Variants in CHERP observed in about 807,000 individuals in gnomAD.
CHERP encodes the protein ERPROT 213-21.
In CHERP, 8 loss-of-function variants were observed where a neutral mutation model predicts 113.8. The observed-to-expected ratio is 0.07, with a 90% confidence interval of 0.04 to 0.13. The LOEUF (loss-of-function observed/expected upper bound fraction) is 0.13. Among genes scored for constraint, CHERP ranks in the 10% least tolerant of loss-of-function variants. The pLI, the probability that CHERP is intolerant of heterozygous loss-of-function variation, is 1.00. For missense variants in CHERP, 884 were observed against 1,298.2 expected (o/e 0.68, Z 4.90); for synonymous variants, 559 against 524.5 (o/e 1.07, Z -0.90).
At chr19:16,541,723 G>C (rs1288806263) in intron 2 of CHERP, 147 bp downstream of exon 2, 4 of 850,804 alleles carry the variant, frequency 4.7e-6, no homozygotes, top group African/African-American at 1.7e-5. Flanking sequence ...AGGGCCGTGG[G>C]AACAGCGGAA....
Position 16,525,575 on chromosome 19 carries a change from G to A in CHERP, c.1408C>T (p.Pro470Ser). 6.5e-7 allele frequency: 1 copy of A among 1,539,806 alleles called. No homozygotes were observed. Among genetic ancestry groups the A allele is most frequent in the Non-Finnish European group, 8.7e-7 (1 of 1,145,948 alleles). The part of the protein sequence containing the change: ...EGMWGEQRGD[P>S]GWNGQRDAPW... ...GCGTCGCGCTGGCCGTTCCAGCCGG[G>A]GTCACCGCGCTGCTCGCCCCACATG... The change falls in exon 10 of 17, where the codon CCC becomes TCC. Residue 470 changes from proline (P) to serine (S), a missense_variant. By Grantham distance (74) the Pro-to-Ser change is moderately conservative. Coordinates refer to ENST00000546361, the MANE Select transcript of CHERP (RefSeq NM_006387.6). The surrounding 1 kb of genome is among the most constrained non-coding windows in gnomAD (Gnocchi z 6.5).
At position 16,522,969 on chromosome 19, in the gene CHERP, T is replaced by TC; in HGVS notation, c.1980+82dup. On this transcript the variant is annotated intron_variant, in intron 11 of 16. Transcript: ENST00000546361. ...AAGGGGAGCCCCGGAAGGCACCCGG[T>TC]CCCGTGCATTCACTTTTCACAAGGA... 8 of 1,435,216 alleles carry TC rather than the reference T, an allele frequency of 5.6e-6. No homozygotes were observed. The South Asian group carries it at 1.2e-4, about 21-fold the overall frequency. 88.9% of individuals were successfully genotyped at this position (1,435,216 alleles called of 1,614,324 possible). A position where few individuals can be genotyped will look rare whatever the true frequency, so the allele number is the denominator to read the frequency against.
chr19:16,534,582 T>A (rs1001971339), intron 3 of CHERP, among the ~76,000 whole-genome samples: 2 of 151,814 alleles, frequency 1.3e-5, no homozygotes, highest in Admixed American at 6.6e-5. Context: ...TTGAAGCAAT[T>A]CTCCTGCCTC....
rs375055032 is a variant in CHERP, at chr19:16,542,404, C to T, written c.-26G>A. 794 of 1,349,970 alleles carry T rather than the reference C, an allele frequency of 5.9e-4. 2 individuals carry two copies. Among genetic ancestry groups the T allele is most frequent in the Middle Eastern group, 3.0e-3 (15 of 5,016 alleles). 83.6% of individuals were successfully genotyped at this position (1,349,970 alleles called of 1,614,324 possible). ...GGCTCCGGCCGCGGGGAACGTCCTC[C>T]GGCGCCACACGATCGACCACCAGCG... On this transcript the variant is annotated 5_prime_UTR_variant, in exon 1 of 17. Transcript: ENST00000546361.
chr19:16,528,108 T>G lies in CHERP; in HGVS notation c.1277A>C (p.His426Pro), dbSNP rs1448117121. 1.2e-6 allele frequency: 2 copies of G among 1,613,224 alleles called. No homozygotes were observed. The highest frequency in any genetic ancestry group is 1.7e-6 in the Non-Finnish European group (2 of 1,179,912). The change falls in exon 9 of 17, where the codon CAC becomes CCC. Residue 426 changes from histidine to proline, a missense_variant. Transcript: ENST00000546361. Reference sequence around the variant, plus strand: ...CTGCTGGCCCCAAGGAGCCACGGGGTGAGGCTGGTCAAACCAAGGGGGCTT... The same window carrying G: ...CTGCTGGCCCCAAGGAGCCACGGGGGGAGGCTGGTCAAACCAAGGGGGCTT... ...PNKPPWFDQP[H>P]PVAPWGQQQP...
rs769064609 is a variant in CHERP, at chr19:16,520,924, G to A, written c.2115-12C>T. Reference sequence around the variant, plus strand: ...GCTCCCAGCCTTCACTGTAAGACACGGCATTCCGTGTGTGACCACGTGACA... The same window carrying A: ...GCTCCCAGCCTTCACTGTAAGACACAGCATTCCGTGTGTGACCACGTGACA... On this transcript the variant is annotated splice_polypyrimidine_tract_variant and intron_variant, in intron 12 of 16. Coordinates refer to ENST00000546361, the MANE Select transcript of CHERP (RefSeq NM_006387.6). This position sits in a 1 kb window ranked among gnomAD's most constrained non-coding sequence, Gnocchi z 4.0. 25 of 1,612,150 alleles carry A rather than the reference G, an allele frequency of 1.6e-5. No homozygotes were observed. The highest frequency in any genetic ancestry group is 3.3e-4 in the Middle Eastern group (2 of 6,082).
chr19:16,532,879 C>T lies in CHERP; in HGVS notation c.523-130G>A. ...TGAGCGTGGGGGGCACAGGGTCCCA[C>T]AGCCTCAGGAGCTCCAGGCGGGAGG... On this transcript the variant is annotated intron_variant, in intron 4 of 16. Coordinates refer to ENST00000546361, the MANE Select transcript of CHERP (RefSeq NM_006387.6). This position sits in a 1 kb window ranked among gnomAD's most constrained non-coding sequence, Gnocchi z 4.4. 1 of 1,523,108 alleles carries T rather than the reference C, an allele frequency of 6.6e-7. No individual in the cohort carries two copies. The highest frequency in any genetic ancestry group is 8.9e-7 in the Non-Finnish European group (1 of 1,129,622). The allele number at this position is 1,523,108 out of a possible 1,614,324, so 94.3% of individuals were successfully genotyped here.
Position 16,520,621 on chromosome 19 carries a change from G to A in CHERP, c.2202-114C>T. On this transcript the variant is annotated intron_variant, in intron 13 of 16. Transcript: ENST00000546361. The surrounding 1 kb of genome is among the most constrained non-coding windows in gnomAD (Gnocchi z 4.0). ...TGCAGGGGCTCTGGCTGTGGATGTG[G>A]CGCCATAGCCACAGCAACGGTACCA... 3.8e-6 allele frequency: 5 copies of A among 1,302,860 alleles called. No individual in the cohort carries two copies. The highest frequency in any genetic ancestry group is 5.4e-6 in the Non-Finnish European group (5 of 931,112). 80.7% of individuals were successfully genotyped at this position (1,302,860 alleles called of 1,614,324 possible).
intron 1 of CHERP, 78 bp downstream of exon 1, chr19:16,542,276 G>A: frequency 7.8e-7 from 1 of 1,287,184 alleles, no homozygotes; most frequent in Non-Finnish European, 1.0e-6. Context: ...CCCAGACCCG[G>A]GGACTCCGGG....
At chr19:16,533,255 C>T (rs953295981) in intron 3 of CHERP, 107 bp from the exon 4 acceptor site, 56 of 1,137,986 alleles carry the variant, frequency 4.9e-5, no homozygotes, top group Middle Eastern at 2.7e-4. Context: ...TGGCGATGCC[C>T]GGACTCTGGG....
Position 16,535,412 on chromosome 19 carries a change from G to A in CHERP, c.384+40C>T. Reference sequence around the variant, plus strand: ...CAGACGCAAAAACAGAGGCACAGGGGAGCTGCTGGTGTCTGGCCGAGGAGG... The same window carrying A: ...CAGACGCAAAAACAGAGGCACAGGGAAGCTGCTGGTGTCTGGCCGAGGAGG... On this transcript the variant is annotated intron_variant, in intron 3 of 16. Transcript: ENST00000546361. The surrounding 1 kb of genome is among the most constrained non-coding windows in gnomAD (Gnocchi z 4.3). The A allele has an allele frequency of 6.3e-7, 1 of 1,587,764 alleles. No individual in the cohort carries two copies. Among genetic ancestry groups the A allele is most frequent in the South Asian group, 1.1e-5 (1 of 88,046 alleles).
intron 12 of CHERP, chr19:16,521,142 A>T (rs1476270008): frequency 1.7e-6 from 1 of 596,854 alleles, no homozygotes; most frequent in Middle Eastern, 3.9e-4. Context: ...TGTTCCGCTG[A>T]GGTGGTGGGG....
chr19:16,519,394 C>T lies in CHERP; in HGVS notation c.2558-42G>A. ...AGTCACAACCACAACAAGGCGGAGG[C>T]AGATGGGGGTGCACGTGGGGGGCTG... On this transcript the variant is annotated intron_variant, in intron 16 of 16. Transcript: ENST00000546361. The surrounding 1 kb of genome is among the most constrained non-coding windows in gnomAD (Gnocchi z 6.0). The T allele has an allele frequency of 1.3e-6, 2 of 1,583,916 alleles. No homozygotes were observed. The highest frequency in any genetic ancestry group is 1.7e-6 in the Non-Finnish European group (2 of 1,163,332).
chr19:16,530,355 C>G lies in CHERP; in HGVS notation c.876+230G>C, dbSNP rs1034342417. Among the ~76,000 whole-genome samples, 1 of 152,194 alleles carries G rather than the reference C, an allele frequency of 6.6e-6. No homozygotes were observed. ...GCAAATGGGCCATGTGCAATGACTC[C>G]GAAAGGCCGCCTGGTTCTAGTGTTC... On this transcript the variant is annotated intron_variant, in intron 7 of 16. Coordinates refer to ENST00000546361, the MANE Select transcript of CHERP (RefSeq NM_006387.6). The surrounding 1 kb of genome is among the most constrained non-coding windows in gnomAD (Gnocchi z 4.1).
At chr19:16,529,997 G>A (rs1013468023) in intron 7 of CHERP, 97 bp from the exon 8 acceptor site, 2 of 1,471,142 alleles carry the variant, frequency 1.4e-6, no homozygotes, top group African/African-American at 2.8e-5. Context: ...AGAGCCTGGG[G>A]GACCTGGGGC....
At chr19:16,537,843 A>C (rs1270883035) in intron 2 of CHERP, among the ~76,000 whole-genome samples, 1 of 152,226 alleles carries the variant, frequency 6.6e-6, no homozygotes, top group Non-Finnish European at 1.5e-5. Flanking sequence ...CGGTTATGGA[A>C]CCAGAAAGGG....
chr19:16,519,072 T>C lies in CHERP; in HGVS notation c.*87A>G. 7 of 1,206,962 alleles carry C rather than the reference T, an allele frequency of 5.8e-6. No individual in the cohort carries two copies. Among genetic ancestry groups the C allele is most frequent in the Non-Finnish European group, 8.2e-6 (7 of 850,078 alleles). 74.8% of individuals were successfully genotyped at this position (1,206,962 alleles called of 1,614,324 possible). On this transcript the variant is annotated 3_prime_UTR_variant, in exon 17 of 17. Transcript: ENST00000546361. The surrounding 1 kb of genome is among the most constrained non-coding windows in gnomAD (Gnocchi z 6.0). Reference sequence around the variant, plus strand: ...AGTGGAGACGGTGTAAGAACTGAGCTGTCACTGCAATCTTCCTCTGCCAGT... The same window carrying C: ...AGTGGAGACGGTGTAAGAACTGAGCCGTCACTGCAATCTTCCTCTGCCAGT...
chr19:16,540,755 T>C (rs1451655673), intron 2 of CHERP, among the ~76,000 whole-genome samples: 1 of 150,902 alleles, frequency 6.6e-6, no homozygotes, highest in Non-Finnish European at 1.5e-5. Flanking sequence ...TGCAGTGCAA[T>C]GGCGTGGTCT....
At chr19:16,531,445 C>A (rs1205699777) in intron 5 of CHERP, among the ~76,000 whole-genome samples, 1 of 151,982 alleles carries the variant, frequency 6.6e-6, no homozygotes, top group African/African-American at 2.4e-5. Context: ...CTGCACAGGA[C>A]ACTGTGCATA....
Sources: allele counts gnomAD v4.1 joint callset (sites outside exome capture counted in the v4.1 genomes callset), GRCh38; gene constraint gnomAD v4.1.1; non-coding constraint Gnocchi (gnomAD v3.1); transcripts MANE v1.5; gene names NCBI Gene and HGNC (gene_info 2026-07-23, HGNC 2026-07-21).